Variants in CCSER2 observed in about 807,000 individuals in gnomAD.
CCSER2 encodes serine-rich coiled-coil domain-containing protein 2.
CCSER2 carries 46 observed loss-of-function variants against 92.3 expected under a neutral mutation model. That is an observed-to-expected ratio of 0.50 (90% CI 0.39 to 0.64). The LOEUF (loss-of-function observed/expected upper bound fraction) is 0.64. CCSER2 is among the 30% of genes least tolerant of loss of function. The probability of loss-of-function intolerance (pLI) is 0.00; values close to 1 mark genes in which losing one functional copy is unlikely to be tolerated. For synonymous variants in CCSER2, 433 were observed against 431.4 expected (o/e 1.00, Z -0.04); for missense variants, 1,244 against 1,238.9 (o/e 1.00, Z -0.06).
At chr10:84,473,596 C>T (rs1372617011) in intron 8 of CCSER2, among the ~76,000 whole-genome samples, 1 of 152,132 alleles carries the variant, frequency 6.6e-6, no homozygotes, top group Non-Finnish European at 1.5e-5. Flanking sequence ...TCGAGAAAGT[C>T]ACTTGTTCAA....
intron 1 of CCSER2, among the ~76,000 whole-genome samples, chr10:84,351,727 T>C (rs753615534): frequency 6.6e-6 from 1 of 152,198 alleles, no homozygotes; most frequent in Non-Finnish European, 1.5e-5. Context: ...GGAGAAAATA[T>C]AATGCTTGGA....
At chr10:84,497,160 T>C (rs990829785) in intron 9 of CCSER2, among the ~76,000 whole-genome samples, 1 of 152,190 alleles carries the variant, frequency 6.6e-6, no homozygotes, top group African/African-American at 2.4e-5. Context: ...TTCCACCAAT[T>C]GCTGTGGGTG....
intron 9 of CCSER2, chr10:84,500,040 A>G: frequency 1.3e-6 from 2 of 1,599,046 alleles, no homozygotes; most frequent in African/African-American, 2.7e-5. Flanking sequence ...GTTCCTCCCC[A>G]GCACCTCCTT....
chr10:84,425,670 A>G (rs998001838), intron 4 of CCSER2, 61 bp from the exon 5 acceptor site: 27 of 1,163,278 alleles, frequency 2.3e-5, no homozygotes, highest in African/African-American at 7.9e-5. Flanking sequence ...ATCAAGCTAT[A>G]AGAGTCAACT....
intron 6 of CCSER2, among the ~76,000 whole-genome samples, chr10:84,460,349 C>G (rs1048244118): frequency 1.3e-5 from 2 of 151,426 alleles, no homozygotes; most frequent in East Asian, 1.9e-4. Flanking sequence ...GGTGATCCCC[C>G]CCGTCTTGGC....
chr10:84,439,354 A>C (rs7919075), intron 6 of CCSER2, among the ~76,000 whole-genome samples: 3,631 of 152,252 alleles, frequency 0.024, 136 homozygotes, highest in African/African-American at 0.082. Context: ...AAAATCAAGG[A>C]ATAAAATACT....
intron 9 of CCSER2, among the ~76,000 whole-genome samples, chr10:84,496,786 A>G (rs1166543195): frequency 1.3e-5 from 2 of 151,672 alleles, no homozygotes; most frequent in African/African-American, 2.4e-5. Context: ...TCTATCACTC[A>G]TTTTAGGATA....
intron 5 of CCSER2, among the ~76,000 whole-genome samples, chr10:84,428,578 T>A (rs1843571552): frequency 6.6e-6 from 1 of 152,244 alleles, no homozygotes; most frequent in Non-Finnish European, 1.5e-5. Flanking sequence ...TACCTTTTCC[T>A]TTCCATTTTG....
Position 84,438,581 on chromosome 10 carries a change from T to C in CCSER2, c.1938T>C (p.Ala646=). Residue 646 remains alanine (A), a synonymous_variant, in exon 6 of 10, where the codon GCT becomes GCC. Coordinates refer to ENST00000372088, the MANE Select transcript of CCSER2 (RefSeq NM_001284240.2). ...ATGGAGGGATGCCCTTTTTCCAGGC[T>C]CAGAAGATGTTTGTTGATGTACCAG... is the stretch of plus-strand genomic sequence containing the variant. ...ESYGGMPFFQ[A]QKMFVDVPEN... The C allele has an allele frequency of 6.2e-7, 1 of 1,613,772 alleles. No homozygotes were observed. Among genetic ancestry groups the C allele is most frequent in the Non-Finnish European group, 8.5e-7 (1 of 1,179,666 alleles).
At chr10:84,464,162 A>G (rs1005435006) in intron 7 of CCSER2, 146 bp downstream of exon 7, 5 of 535,488 alleles carry the variant, frequency 9.3e-6, no homozygotes, top group African/African-American at 7.7e-5. Flanking sequence ...TTAAGTTGAA[A>G]TGATATCTCT....
Position 84,513,455 on chromosome 10 carries a change from G to GT in CCSER2, c.2333dup (p.Leu779ThrfsTer29). ...TTGTTTTTAATTTTAACAGCCTCAA[G>GT]TACTACAGCCTTCCAGCAGCCTTCC... On this transcript the variant is annotated frameshift_variant, in exon 10 of 10. Transcript: ENST00000372088. LOFTEE classifies it high-confidence loss of function. 6.2e-7 allele frequency: 1 copy of GT among 1,604,440 alleles called. No individual in the cohort carries two copies. Among genetic ancestry groups the GT allele is most frequent in the South Asian group, 1.1e-5 (1 of 89,648 alleles).
chr10:84,359,066 C>T (rs1179467172), intron 1 of CCSER2, among the ~76,000 whole-genome samples: 1 of 152,162 alleles, frequency 6.6e-6, no homozygotes, highest in Non-Finnish European at 1.5e-5. Flanking sequence ...GTAACCTTCT[C>T]CCACTGGAAA....
chr10:84,424,990 C>T (rs1379426933), intron 4 of CCSER2: 4 of 984,722 alleles, frequency 4.1e-6, no homozygotes, highest in Non-Finnish European at 4.8e-6. Flanking sequence ...CACAATGTCT[C>T]CCTTGTGCAA....
chr10:84,383,632 G>A (rs1484333452), intron 3 of CCSER2, among the ~76,000 whole-genome samples: 1 of 152,128 alleles, frequency 6.6e-6, no homozygotes, highest in African/African-American at 2.4e-5. Flanking sequence ...TCTTTCTAAT[G>A]TGTATTCACA....
intron 3 of CCSER2, among the ~76,000 whole-genome samples, chr10:84,412,037 G>C (rs151337163): frequency 1.3e-5 from 2 of 152,070 alleles, no homozygotes; most frequent in South Asian, 2.1e-4. Context: ...GAATTTTATC[G>C]AGGGTCTTTT....
At chr10:84,364,684 G>A (rs1490605391) in intron 1 of CCSER2, among the ~76,000 whole-genome samples, 2 of 151,846 alleles carry the variant, frequency 1.3e-5, no homozygotes, top group Admixed American at 6.6e-5. Flanking sequence ...TCTTTTAAAA[G>A]CGAGAAGCTT....
chr10:84,502,990 C>T (rs1328360158), intron 9 of CCSER2, among the ~76,000 whole-genome samples: 3 of 151,946 alleles, frequency 2.0e-5, no homozygotes, highest in African/African-American at 7.2e-5. Context: ...TTTGTGGGGC[C>T]GAGGCAGGCG....
chr10:84,469,628 C>T (rs1280624443), intron 7 of CCSER2, among the ~76,000 whole-genome samples: 1 of 152,084 alleles, frequency 6.6e-6, no homozygotes, highest in East Asian at 1.9e-4. Flanking sequence ...ATTACCTTCT[C>T]TTTTGGATAA....
At chr10:84,481,379 T>G (rs1463297894) in intron 9 of CCSER2, among the ~76,000 whole-genome samples, 1 of 151,436 alleles carries the variant, frequency 6.6e-6, no homozygotes, top group Non-Finnish European at 1.5e-5. Flanking sequence ...ACACAAAATT[T>G]TTTATATATT....
Sources: gnomAD v4.1 joint callset for allele counts (sites outside exome capture counted in the v4.1 genomes callset) on GRCh38, gnomAD v4.1.1 for gene constraint, MANE v1.5 for transcripts, NCBI Gene and HGNC (gene_info 2026-07-23, HGNC 2026-07-21) for gene names.